SLC18B1: variants seen among roughly 807,000 people sequenced by gnomAD.
The protein encoded by SLC18B1 is MFS-type transporter SLC18B1.
SLC18B1 carries 62 observed loss-of-function variants against 53.9 expected under a neutral mutation model. The ratio of observed to expected loss-of-function variants is 1.15; its 90% CI spans 0.94 to 1.42. SLC18B1 has a LOEUF of 1.42. SLC18B1 is among the 40% of genes most tolerant of loss of function. The probability of loss-of-function intolerance (pLI) is 0.00; values close to 1 mark genes in which losing one functional copy is unlikely to be tolerated. For missense variants in SLC18B1, 598 were observed against 547.3 expected (o/e 1.09, Z -0.93); for synonymous variants, 217 against 200.9 (o/e 1.08, Z -0.68).
intron 8 of SLC18B1, 101 bp downstream of exon 8, chr6:132,776,227 T>C (rs1781094907): frequency 2.3e-6 from 2 of 879,370 alleles, no homozygotes; most frequent in Admixed American, 4.9e-5. Flanking sequence ...ATTGAATATA[T>C]CAAGTCTAAC....
intron 2 of SLC18B1, among the ~76,000 whole-genome samples, chr6:132,795,910 G>C (rs746340644): frequency 1.4e-4 from 21 of 152,194 alleles, no homozygotes; most frequent in Non-Finnish European, 2.2e-4. Flanking sequence ...AGTCAAAAGA[G>C]GGAATATGGA....
rs754460619 is a variant in SLC18B1 at position 132,774,266 on chromosome 6, C to T, written c.945G>A (p.Gly315=). 11 of 1,613,536 alleles carry T rather than the reference C, an allele frequency of 6.8e-6. No individual in the cohort carries two copies. The South Asian group carries it at 1.2e-4, about 18-fold the overall frequency. ...GGACAGGCCCTAAGAGCATGTAGCA[C>T]CCGGCTGTGATTAAGTTGCCAAACA... is the stretch of plus-strand genomic sequence containing the variant. ...LLVFGNLITA[G]CYMLLGPVPI... The change falls in exon 9 of 14, where the codon GGG becomes GGA. Residue 315 remains glycine, a synonymous_variant. Coordinates refer to ENST00000275227, the MANE Select transcript of SLC18B1 (RefSeq NM_052831.3).
chr6:132,790,111 G>A, intron 3 of SLC18B1, 66 bp downstream of exon 3: 1 of 1,221,270 alleles, frequency 8.2e-7, no homozygotes, highest in Middle Eastern at 2.7e-4. Context: ...TTCTAGACTA[G>A]TAAACGAAAA....
chr6:132,783,833 A>AT (rs1781298958), intron 6 of SLC18B1, 100 bp downstream of exon 6: 1 of 958,436 alleles, frequency 1.0e-6, no homozygotes, highest in Admixed American at 3.4e-5. Context: ...TTTAAAAGCT[A>AT]TTTTTGATTA....
chr6:132,788,972 CA>C (rs745459629), intron 4 of SLC18B1, among the ~76,000 whole-genome samples: 1 of 150,262 alleles, frequency 6.7e-6, no homozygotes, highest in Non-Finnish European at 1.5e-5. Flanking sequence ...ACGACCCTTC[CA>C]AAAAAATTTT....
At chr6:132,782,954 T>C (rs886841747) in intron 6 of SLC18B1, among the ~76,000 whole-genome samples, 2 of 151,936 alleles carry the variant, frequency 1.3e-5, no homozygotes, top group African/African-American at 4.8e-5. Context: ...TTTGTATTTT[T>C]AGTAGAGATG....
At chr6:132,798,109 G>A (rs1781746554) in intron 1 of SLC18B1, among the ~76,000 whole-genome samples, 1 of 152,186 alleles carries the variant, frequency 6.6e-6, no homozygotes. Flanking sequence ...ACAACAATGG[G>A]TACTTGAAAG....
At chr6:132,773,298 G>T (rs1781022608) in intron 9 of SLC18B1, among the ~76,000 whole-genome samples, 1 of 127,240 alleles carries the variant, frequency 7.9e-6, no homozygotes. Context: ...GGGTGGGGGG[G>T]AATTCATCCT....
At chr6:132,791,416 T>G (rs758467819) in intron 2 of SLC18B1, among the ~76,000 whole-genome samples, 2 of 152,218 alleles carry the variant, frequency 1.3e-5, no homozygotes, top group Non-Finnish European at 1.5e-5. Context: ...TGATAAAAAT[T>G]TTCTCCATCC....
At position 132,770,293 on chromosome 6, in the gene SLC18B1, T is replaced by C. The variant is rs755438820; in HGVS notation, c.1348A>G (p.Thr450Ala). 2.5e-5 allele frequency: 41 copies of C among 1,613,344 alleles called. No individual in the cohort carries two copies. Among genetic ancestry groups the C allele is most frequent in the African/African-American group, 5.3e-5 (4 of 74,794 alleles). The part of the protein sequence containing the change: ...NILSTEEERT[T>A]LLPNET ...GACTAGGTTTCATTAGGCAAGAGAG[T>C]AGTTCGTTCCTCCTCTGTGCTGAGG... The change falls in exon 14 of 14, where the codon ACT becomes GCT. Residue 450 changes from threonine (T) to alanine (A), a missense_variant. Thr to Ala is a moderately conservative substitution (Grantham distance 58). Coordinates refer to ENST00000275227, the MANE Select transcript of SLC18B1 (RefSeq NM_052831.3).
chr6:132,787,253 T>C (rs1231263838), intron 5 of SLC18B1, among the ~76,000 whole-genome samples, 181 bp downstream of exon 5: 3 of 152,104 alleles, frequency 2.0e-5, no homozygotes, highest in Admixed American at 2.0e-4. Context: ...AGCACCTAAG[T>C]GAAACCAATG....
chr6:132,779,289 C>T lies in SLC18B1; in HGVS notation c.774G>A (p.Leu258=), dbSNP rs776117709. Residue 258 remains leucine (L), a synonymous_variant, in exon 7 of 14, where the codon CTG becomes CTA. Coordinates refer to ENST00000275227, the MANE Select transcript of SLC18B1 (RefSeq NM_052831.3). Reference sequence around the variant, plus strand: ...TTACCTTCTCCAAAACAAAGAGAGACAGAGTAGGATCGAGGAAGCCAAAAC... The same window carrying T: ...TTACCTTCTCCAAAACAAAGAGAGATAGAGTAGGATCGAGGAAGCCAAAAC... ...SSCFGFLDPT[L]SLFVLEKFNL... 20 of 1,613,712 alleles carry T rather than the reference C, an allele frequency of 1.2e-5. No homozygotes were observed. The highest frequency in any genetic ancestry group is 1.6e-4 in the Middle Eastern group (1 of 6,082).
intron 4 of SLC18B1, among the ~76,000 whole-genome samples, chr6:132,788,053 C>G (rs776562881): frequency 2.0e-5 from 3 of 151,208 alleles, no homozygotes; most frequent in Non-Finnish European, 4.4e-5. Context: ...TCCAGCTACT[C>G]GGGAGGCTGA....
intron 9 of SLC18B1, among the ~76,000 whole-genome samples, 189 bp downstream of exon 9, chr6:132,774,033 T>C (rs3736725): frequency 0.17 from 26,088 of 152,204 alleles, 4,924 homozygotes; most frequent in African/African-American, 0.47. Flanking sequence ...TATGCATTTT[T>C]TTCTGTTGTC....
chr6:132,786,178 A>G lies in SLC18B1; in HGVS notation c.501+1256T>C, dbSNP rs1781365430. ...AGAAATAAATTTTCTGGAAATGTAA[A>G]TGGTATGCCGGCCAAATGGCAATAG... On this transcript the variant is annotated intron_variant, in intron 5 of 13. Transcript: ENST00000275227. Among the ~76,000 whole-genome samples the G allele has an allele frequency of 2.0e-5, 3 of 152,288 alleles. No individual in the cohort carries two copies. The South Asian group carries it at 6.2e-4, about 32-fold the overall frequency.
chr6:132,770,399 C>CA, intron 13 of SLC18B1, 63 bp from the exon 14 acceptor site: 1 of 1,401,118 alleles, frequency 7.1e-7, no homozygotes, highest in Non-Finnish European at 1.0e-6. Context: ...AACAAACAAA[C>CA]AAAAAACCAG....
At chr6:132,773,793 G>C (rs1036312623) in intron 9 of SLC18B1, among the ~76,000 whole-genome samples, 71 of 152,044 alleles carry the variant, frequency 4.7e-4, no homozygotes, top group African/African-American at 1.7e-3. Flanking sequence ...ATTAAGCAAG[G>C]TCTAATAAGC....
At position 132,787,599 on chromosome 6, in the gene SLC18B1, A is replaced by C; in HGVS notation, c.354-18T>G. ...CCAATACACTAAAAAGGAATAAGAC[A>C]ATTCTGAAATGCCAAGCTGGTTTTC... On this transcript the variant is annotated intron_variant, in intron 4 of 13. Coordinates refer to ENST00000275227, the MANE Select transcript of SLC18B1 (RefSeq NM_052831.3). 1.3e-6 allele frequency: 2 copies of C among 1,511,532 alleles called. No individual in the cohort carries two copies. Among genetic ancestry groups the C allele is most frequent in the East Asian group, 2.5e-5 (1 of 40,546 alleles). 93.6% of individuals were successfully genotyped at this position (1,511,532 alleles called of 1,614,324 possible). A position where few individuals can be genotyped will look rare whatever the true frequency, so the allele number is the denominator to read the frequency against.
At chr6:132,780,565 G>GTTTT (rs10537572) in intron 6 of SLC18B1, among the ~76,000 whole-genome samples, 10 of 75,890 alleles carry the variant, frequency 1.3e-4, no homozygotes, top group Middle Eastern at 0.013. Flanking sequence ...CGTGGTGTTA[G>GTTTT]TTTTTTTTTT....
Sources: gnomAD v4.1 joint callset for allele counts (sites outside exome capture counted in the v4.1 genomes callset) on GRCh38, gnomAD v4.1.1 for gene constraint, MANE v1.5 for transcripts, NCBI Gene and HGNC (gene_info 2026-07-23, HGNC 2026-07-21) for gene names.